The following HTR4 variants were observed in gnomAD, a reference collection of about 807,000 sequenced individuals.
HTR4 encodes 5-hydroxytryptamine (serotonin) receptor 4, G protein-coupled.
HTR4 carries 16 observed loss-of-function variants against 36.8 expected under a neutral mutation model. That is an observed-to-expected ratio of 0.43 (90% CI 0.29 to 0.66). The LOEUF is 0.66. HTR4 is among the 30% of genes least tolerant of loss of function. The probability of loss-of-function intolerance (pLI) is 0.13; values close to 1 mark genes in which losing one functional copy is unlikely to be tolerated. For synonymous variants in HTR4, 189 were observed against 185.1 expected (o/e 1.02, Z -0.17); for missense variants, 438 against 490.9 (o/e 0.89, Z 1.02).
intron 4 of HTR4, among the ~76,000 whole-genome samples, chr5:148,525,958 G>A (rs1758249212): frequency 6.6e-6 from 1 of 152,190 alleles, no homozygotes; most frequent in Non-Finnish European, 1.5e-5. Flanking sequence ...ACAGTACGAA[G>A]GTGGCCATGA....
chr5:148,605,251 CTTTTCT>C (rs1752105023), intron 2 of HTR4, among the ~76,000 whole-genome samples: 2 of 101,466 alleles, frequency 2.0e-5, no homozygotes, highest in African/African-American at 4.6e-5. Flanking sequence ...CTTTTCTTTT[CTTTTCT>C]TTTTTTTTTT....
chr5:148,473,658 T>A (rs562119499), downstream of HTR4, among the ~76,000 whole-genome samples: 14 of 152,246 alleles, frequency 9.2e-5, no homozygotes, highest in Non-Finnish European at 1.9e-4. Context: ...TTGAACAAAA[T>A]TGATTTATGT....
intron 2 of HTR4, among the ~76,000 whole-genome samples, chr5:148,554,028 T>C (rs1316170140): frequency 1.3e-5 from 2 of 152,260 alleles, no homozygotes; most frequent in Non-Finnish European, 1.5e-5. Flanking sequence ...ATATACATAC[T>C]ACAAAATTTT....
Position 148,646,326 on chromosome 5 carries a change from G to A in HTR4, c.-48+7736C>T, listed in dbSNP as rs543886942. 5.9e-5 allele frequency: 9 copies of A among 152,320 alleles called. 1 individual carries two copies. The highest frequency in any genetic ancestry group is 2.2e-4 in the African/African-American group (9 of 41,560). 9.4% of individuals were successfully genotyped at this position (152,320 alleles called of 1,614,324 possible). ...ATAGTATTTGCTCTGCATGCCAAGA[G>A]AAAGGTTTCTGCAGGCATGTTTACC... is the stretch of plus-strand genomic sequence containing the variant. On this transcript the variant is annotated intron_variant, in intron 1 of 6. Transcript: ENST00000377888.
At chr5:148,493,146 C>T (rs1346375903) in intron 6 of HTR4, among the ~76,000 whole-genome samples, 1 of 152,122 alleles carries the variant, frequency 6.6e-6, no homozygotes, top group African/African-American at 2.4e-5. Context: ...TGCTATTTTC[C>T]TGGTGTGATC....
chr5:148,633,743 A>T (rs1476720525), intron 2 of HTR4, among the ~76,000 whole-genome samples: 1 of 152,166 alleles, frequency 6.6e-6, no homozygotes, highest in African/African-American at 2.4e-5. Flanking sequence ...CACAAAGTGT[A>T]GGTGCTTAAT....
chr5:148,580,782 G>T (rs1761102906), intron 2 of HTR4, among the ~76,000 whole-genome samples: 1 of 151,988 alleles, frequency 6.6e-6, no homozygotes, highest in African/African-American at 2.4e-5. Flanking sequence ...TCTGTTGATA[G>T]ACATTTGGGT....
At chr5:148,465,887 C>T in intron 5 of HTR4, 1 of 1,613,078 alleles carries the variant, frequency 6.2e-7, no homozygotes, top group South Asian at 1.1e-5. Flanking sequence ...TGGTCTATTG[C>T]AGAAGAGCAG....
intron 2 of HTR4, among the ~76,000 whole-genome samples, chr5:148,610,529 A>G (rs931357356): frequency 1.1e-4 from 17 of 152,098 alleles, no homozygotes; most frequent in Non-Finnish European, 2.1e-4. Context: ...CCATCTGTAC[A>G]TCACCATCAT....
At chr5:148,634,637 C>G (rs1167425259) in intron 2 of HTR4, among the ~76,000 whole-genome samples, 2 of 152,098 alleles carry the variant, frequency 1.3e-5, no homozygotes, top group African/African-American at 4.8e-5. Context: ...ACTGAGTCCT[C>G]GGAGAAGTCA....
rs1034696740 is a variant in HTR4, at chr5:148,491,175, G to A, written c.1077-7882C>T. Among the ~76,000 whole-genome samples the A allele has an allele frequency of 3.3e-5, 5 of 152,180 alleles. No homozygotes were observed. The South Asian group carries it at 8.3e-4, about 25-fold the overall frequency. ...ACTAAATTGGAAGGTCTGTGTCCTCGCCAAGTACATGCTGTAAGAGAACAA... is the reference window on the plus strand; with the variant it reads ...ACTAAATTGGAAGGTCTGTGTCCTCACCAAGTACATGCTGTAAGAGAACAA... On this transcript the variant is annotated intron_variant, in intron 6 of 6. Transcript: ENST00000377888.
At chr5:148,513,799 T>A (rs1197769353) in intron 5 of HTR4, among the ~76,000 whole-genome samples, 3 of 152,194 alleles carry the variant, frequency 2.0e-5, no homozygotes, top group African/African-American at 7.2e-5. Context: ...ATAATACTTT[T>A]TAATTTTATA....
intron 2 of HTR4, among the ~76,000 whole-genome samples, chr5:148,595,943 A>T (rs974103462): frequency 1.3e-5 from 2 of 152,230 alleles, no homozygotes; most frequent in Non-Finnish European, 2.9e-5. Flanking sequence ...CAACTTAGTT[A>T]AAAGTATCGT....
At chr5:148,540,258 A>G (rs1335091977) in intron 4 of HTR4, among the ~76,000 whole-genome samples, 2 of 151,300 alleles carry the variant, frequency 1.3e-5, no homozygotes, top group East Asian at 3.9e-4. Context: ...GTAGAAAATC[A>G]TATTAGGTAC....
At chr5:148,645,265 G>T (rs1021705519) in intron 1 of HTR4, 15 of 152,112 alleles carry the variant, frequency 9.9e-5, no homozygotes, top group African/African-American at 3.6e-4. Context: ...AGAGCATAAG[G>T]TCACTGTCAC....
intron 5 of HTR4, among the ~76,000 whole-genome samples, chr5:148,467,370 T>C (rs1265553196): frequency 1.3e-5 from 2 of 152,222 alleles, no homozygotes; most frequent in Admixed American, 6.5e-5. Context: ...CAGGTAACAA[T>C]GGTGGGTTTT....
chr5:148,556,131 C>T (rs962281256), intron 2 of HTR4, among the ~76,000 whole-genome samples: 10 of 152,194 alleles, frequency 6.6e-5, no homozygotes, highest in Admixed American at 4.6e-4. Context: ...TCAAGTGATT[C>T]TCCTGCCTCA....
At chr5:148,617,649 A>G (rs1046848583) in intron 2 of HTR4, among the ~76,000 whole-genome samples, 3 of 151,948 alleles carry the variant, frequency 2.0e-5, no homozygotes, top group Admixed American at 6.5e-5. Context: ...TTGTATTTTT[A>G]GTAAAGAGAG....
intron 2 of HTR4, among the ~76,000 whole-genome samples, 172 bp downstream of exon 2, chr5:148,636,817 A>C (rs1281386933): frequency 1.3e-5 from 2 of 152,246 alleles, no homozygotes; most frequent in African/African-American, 4.8e-5. Context: ...TCATTTAAAC[A>C]GAAATGACAA....
Sources: allele counts gnomAD v4.1 joint callset (sites outside exome capture counted in the v4.1 genomes callset), GRCh38; gene constraint gnomAD v4.1.1; transcripts MANE v1.5; gene names NCBI Gene and HGNC (gene_info 2026-07-23, HGNC 2026-07-21).